Variants in URB2 observed in about 807,000 individuals in gnomAD.
URB2 encodes the protein URB2 ribosome biogenesis homolog.
Under a neutral mutation model 120.9 loss-of-function variants are expected in URB2, and 86 were observed. That is an observed-to-expected ratio of 0.71 (90% CI 0.60 to 0.85). URB2 has a LOEUF of 0.85. URB2 is among the 40% of genes least tolerant of loss of function. The probability of loss-of-function intolerance (pLI) is 0.00; values close to 1 mark genes in which losing one functional copy is unlikely to be tolerated. For synonymous variants in URB2, 755 were observed against 758.4 expected (o/e 1.00, Z 0.07); for missense variants, 1,765 against 1,836.5 (o/e 0.96, Z 0.71).
chr1:229,650,674 G>T (rs578061873), intron 7 of URB2, among the ~76,000 whole-genome samples: 23 of 152,070 alleles, frequency 1.5e-4, no homozygotes, highest in Admixed American at 2.6e-4. Context: ...CAGATGATCC[G>T]CCTGCCTCGG....
chr1:229,635,956 C>T lies in URB2; in HGVS notation c.1343C>T (p.Ala448Val). ...AEVTEFRTKK[A>V]QEALIRTVFQ... ...GTAACAGAGTTTCGAACCAAAAAAG[C>T]CCAGGAGGCGCTTATTCGTACTGTC... Residue 448 changes from alanine to valine, a missense_variant, in exon 4 of 10, where the codon GCC (alanine) becomes GTC (valine). Physicochemically the swap from Ala to Val is moderately conservative, Grantham distance 64 (BLOSUM62 0). Coordinates refer to ENST00000258243, the MANE Select transcript of URB2 (RefSeq NM_014777.4). 1 of 1,614,204 alleles carries T rather than the reference C, an allele frequency of 6.2e-7. No individual in the cohort carries two copies. Among genetic ancestry groups the T allele is most frequent in the Non-Finnish European group, 8.5e-7 (1 of 1,180,032 alleles).
At chr1:229,630,356 A>G (rs1442899636) in intron 2 of URB2, among the ~76,000 whole-genome samples, 1 of 152,228 alleles carries the variant, frequency 6.6e-6, no homozygotes, top group African/African-American at 2.4e-5. Flanking sequence ...CATGAAAACA[A>G]CATTCATCTC....
chr1:229,633,429 C>T (rs1433118591), intron 3 of URB2, among the ~76,000 whole-genome samples: 2 of 152,254 alleles, frequency 1.3e-5, no homozygotes, highest in South Asian at 2.1e-4. Context: ...GTTAGTGCTG[C>T]AGCATATGTG....
In URB2 at chr1:229,643,515, G is replaced by C. The variant is rs769996913; in HGVS notation, c.3635-18G>C. On this transcript the variant is annotated intron_variant, in intron 4 of 9. Coordinates refer to ENST00000258243, the MANE Select transcript of URB2 (RefSeq NM_014777.4). ...TCACCTGTCACATCTTAACAATTTT[G>C]GTTTCTTTCCCACACAGATCCTGAA... 2 of 1,613,692 alleles carry C rather than the reference G, an allele frequency of 1.2e-6. No homozygotes were observed. Among genetic ancestry groups the C allele is most frequent in the Admixed American group, 3.3e-5 (2 of 59,946 alleles).
intron 2 of URB2, 46 bp from the exon 3 acceptor site, chr1:229,632,223 C>A: frequency 6.8e-7 from 1 of 1,460,554 alleles, no homozygotes; most frequent in East Asian, 2.5e-5. Context: ...ACATCTTTCT[C>A]TCAGCAAATA....
chr1:229,651,152 A>C (rs1666262162), intron 7 of URB2, 83 bp from the exon 8 acceptor site: 1 of 1,317,526 alleles, frequency 7.6e-7, no homozygotes, highest in South Asian at 1.6e-5. Flanking sequence ...AGGCTAAGAA[A>C]GAAATAAGTA....
rs115971962 is a variant in URB2, at chr1:229,656,193, G to A, written c.4377+1805G>A. The stretch of plus-strand genomic sequence containing the variant: ...TTAGTATTTCCCAAGCACACCAGTC[G>A]TTAACATGTAAGCTTTTGATGAAAG... On this transcript the variant is annotated intron_variant, in intron 9 of 9. Coordinates refer to ENST00000258243, the MANE Select transcript of URB2 (RefSeq NM_014777.4). Among the ~76,000 whole-genome samples the A allele has an allele frequency of 7.1e-3, 1,087 of 152,270 alleles. 15 individuals carry two copies. Among genetic ancestry groups the A allele is most frequent in the African/African-American group, 0.024 (1,017 of 41,558 alleles).
At chr1:229,652,325 A>G (rs1486386619) in intron 8 of URB2, among the ~76,000 whole-genome samples, 7 of 152,204 alleles carry the variant, frequency 4.6e-5, no homozygotes, top group African/African-American at 7.2e-5. Context: ...AGGCTCTGGG[A>G]CCATAACTCA....
intron 6 of URB2, among the ~76,000 whole-genome samples, chr1:229,647,095 A>G (rs1666163724): frequency 6.6e-6 from 1 of 152,168 alleles, no homozygotes; most frequent in Non-Finnish European, 1.5e-5. Flanking sequence ...ACTGATAAGA[A>G]CACTGGGCTA....
At position 229,643,823 on chromosome 1, in the gene URB2, G is replaced by A. The variant is rs1666070960; in HGVS notation, c.3795+130G>A. 4 of 1,282,194 alleles carry A rather than the reference G, an allele frequency of 3.1e-6. No individual in the cohort carries two copies. In the South Asian group the frequency reaches 6.3e-5, roughly 20 times the overall value. The allele number at this position is 1,282,194 out of a possible 1,614,324, so 79.4% of individuals were successfully genotyped here. On this transcript the variant is annotated intron_variant, in intron 5 of 9. Transcript: ENST00000258243. ...TAACTGGTAGAGACTCTAGGCAAAG[G>A]GGGAGGCTGTGAGAGGGAGCCCTGG...
At chr1:229,643,847 G>A (rs1666072736) in intron 5 of URB2, among the ~76,000 whole-genome samples, 154 bp downstream of exon 5, 1 of 152,226 alleles carries the variant, frequency 6.6e-6, no homozygotes, top group Non-Finnish European at 1.5e-5. Context: ...AGGGAGCCCT[G>A]GCCTGTGGGA....
intron 9 of URB2, among the ~76,000 whole-genome samples, chr1:229,655,139 G>T (rs1666377334): frequency 6.6e-6 from 1 of 152,246 alleles, no homozygotes; most frequent in South Asian, 2.1e-4. Flanking sequence ...TGGAGATACA[G>T]GTAGTTGTTA....
chr1:229,632,202 T>A, intron 2 of URB2, 67 bp from the exon 3 acceptor site: 11 of 1,365,852 alleles, frequency 8.1e-6, no homozygotes, highest in Non-Finnish European at 8.6e-6. Flanking sequence ...GTAATGTCCC[T>A]ATAATGTCTA....
intron 4 of URB2, among the ~76,000 whole-genome samples, chr1:229,641,047 C>G (rs1208115233): frequency 2.4e-5 from 3 of 122,506 alleles, no homozygotes; most frequent in African/African-American, 6.3e-5. Flanking sequence ...GAGTCTCATT[C>G]TGTCACCTAG....
intron 7 of URB2, among the ~76,000 whole-genome samples, chr1:229,648,430 T>C (rs913434510): frequency 3.9e-5 from 6 of 152,234 alleles, no homozygotes; most frequent in African/African-American, 1.4e-4. Flanking sequence ...ATAGATCCCT[T>C]GCTGGGCTTA....
At chr1:229,652,095 C>T (rs1023652344) in intron 8 of URB2, among the ~76,000 whole-genome samples, 2 of 151,986 alleles carry the variant, frequency 1.3e-5, no homozygotes, top group Non-Finnish European at 1.5e-5. Context: ...GGCAGGAGAA[C>T]TGCTTGAGCC....
chr1:229,659,344 G>A lies in URB2; in HGVS notation c.*47G>A, dbSNP rs770954718. The A allele has an allele frequency of 7.6e-6, 12 of 1,583,676 alleles. No individual in the cohort carries two copies. Among genetic ancestry groups the A allele is most frequent in the Non-Finnish European group, 1.0e-5 (12 of 1,157,084 alleles). ...CCAGTGACACTGTCCAGAGGCTTTG[G>A]CTGCATGGTCTGAAAGAGCTGGAGA... On this transcript the variant is annotated 3_prime_UTR_variant, in exon 10 of 10. Coordinates refer to ENST00000258243, the MANE Select transcript of URB2 (RefSeq NM_014777.4).
intron 4 of URB2, among the ~76,000 whole-genome samples, chr1:229,641,943 G>A (rs1468687165): frequency 6.6e-6 from 1 of 152,138 alleles, no homozygotes. Context: ...CCAAGAGGTC[G>A]AGGCTGCAGT....
Position 229,632,324 on chromosome 1 carries a change from A to G in URB2, c.182A>G (p.Glu61Gly), listed in dbSNP as rs756996367. 38 of 1,592,816 alleles carry G rather than the reference A, an allele frequency of 2.4e-5. No homozygotes were observed. The Admixed American group carries it at 5.0e-4, about 21-fold the overall frequency. ...SLVAFYKKKL[E>G]LKEDIVERLW... ...GTTGCATTTTATAAGAAAAAGCTTG[A>G]ACTGAAGGAAGATATTGTTGAAAGG... The change falls in exon 3 of 10, where the codon GAA (glutamate) becomes GGA (glycine). Residue 61 changes from glutamate (E) to glycine (G), a missense_variant. By Grantham distance (98) the Glu-to-Gly change is moderately conservative (BLOSUM62 -2). Transcript: ENST00000258243.
Sources: allele counts gnomAD v4.1 joint callset (sites outside exome capture counted in the v4.1 genomes callset), GRCh38; gene constraint gnomAD v4.1.1; transcripts MANE v1.5; gene names NCBI Gene and HGNC (gene_info 2026-07-23, HGNC 2026-07-21).